The following SH2B3 variants were observed in gnomAD, a reference collection of about 807,000 sequenced individuals.
The protein encoded by SH2B3 is SH2B adaptor protein 3, also known as SH2B adapter protein 3.
SH2B3 carries 43 observed loss-of-function variants against 51.9 expected under a neutral mutation model. The observed-to-expected ratio is 0.83, with a 90% CI of 0.65 to 1.07. The LOEUF (loss-of-function observed/expected upper bound fraction) is 1.07, where lower values mean the gene tolerates loss of function less well. Among genes scored for constraint, SH2B3 ranks in the 50% least tolerant of loss-of-function variants. The pLI is 0.00. For missense variants in SH2B3, 952 were observed against 834.3 expected (o/e 1.14, Z -1.74); for synonymous variants, 396 against 376.0 (o/e 1.05, Z -0.62).
At chr12:111,440,690 C>T (rs956796839) in intron 2 of SH2B3, among the ~76,000 whole-genome samples, 2 of 152,240 alleles carry the variant, frequency 1.3e-5, no homozygotes, top group African/African-American at 4.8e-5. Context: ...CCACCATCCC[C>T]ACTTCGGAGA....
intron 2 of SH2B3, among the ~76,000 whole-genome samples, chr12:111,440,795 G>A (rs920903111): frequency 2.6e-5 from 4 of 152,224 alleles, no homozygotes; most frequent in African/African-American, 9.6e-5. Flanking sequence ...TCTGGTGCAT[G>A]GGAGCAGGGG....
In SH2B3 at chr12:111,410,708, G is replaced by A. The variant is rs1468194956; in HGVS notation, c.-28+4431G>A. 6.6e-6 allele frequency among the ~76,000 whole-genome samples: 1 copy of A among 152,204 alleles called. No homozygotes were observed. Among genetic ancestry groups the A allele is most frequent in the Non-Finnish European group, 1.5e-5 (1 of 68,028 alleles). On this transcript the variant is annotated intron_variant, in intron 1 of 7. Transcript: ENST00000341259. The surrounding 1 kb of genome is among the most constrained non-coding windows in gnomAD (Gnocchi z 4.9). ...CCAGCCAGCTGCCCCGTGGCCTGGG[G>A]TAGAACCCACCTCTCTGCCTCCCCA...
At position 111,406,228 on chromosome 12, in the gene SH2B3, G is replaced by A. The variant is rs1338979366; in HGVS notation, c.-77G>A. 6.6e-6 allele frequency: 1 copy of A among 151,966 alleles called. No individual in the cohort carries two copies. The highest frequency in any genetic ancestry group is 2.4e-5 in the African/African-American group (1 of 41,404). The allele number at this position is 151,966 out of a possible 1,614,324, so 9.4% of individuals were successfully genotyped here. On this transcript the variant is annotated 5_prime_UTR_variant, in exon 1 of 8. Transcript: ENST00000341259. This position sits in a 1 kb window ranked among gnomAD's most constrained non-coding sequence, Gnocchi z 5.7. Reference sequence around the variant, plus strand: ...GCCCCCTCGGGATTTCGAGGGCCCGGGGGCGCGCGACGCCATGGGCCGGCC... The same window carrying A: ...GCCCCCTCGGGATTTCGAGGGCCCGAGGGCGCGCGACGCCATGGGCCGGCC...
rs1871268907 is a variant in SH2B3, at chr12:111,418,522, C to T, written c.377C>T (p.Pro126Leu). 4 of 1,391,606 alleles carry T rather than the reference C, an allele frequency of 2.9e-6. No individual in the cohort carries two copies. In the African/African-American group the frequency reaches 4.6e-5, roughly 16 times the overall value. 86.2% of individuals were successfully genotyped at this position (1,391,606 alleles called of 1,614,324 possible). Reference sequence around the variant, plus strand: ...GCCCGCAGCTCTGAGGAGCTGGCCCCGCCGCGGCCGCCCGGGCCCTGCTCC... The same window carrying T: ...GCCCGCAGCTCTGAGGAGCTGGCCCTGCCGCGGCCGCCCGGGCCCTGCTCC... ...PKARSSEELA[P>L]PRPPGPCSFQ... is the part of the protein sequence containing the mutation. Residue 126 changes from proline (P) to leucine (L), a missense_variant, in exon 2 of 8, where the codon CCG becomes CTG. Physicochemically the swap from Pro to Leu is moderately conservative, Grantham distance 98. Transcript: ENST00000341259. This position sits in a 1 kb window ranked among gnomAD's most constrained non-coding sequence, Gnocchi z 6.7.
rs189535028 is a variant in SH2B3, at chr12:111,429,917, G to A, written c.732+11040G>A. Among the ~76,000 whole-genome samples the A allele has an allele frequency of 1.6e-4, 25 of 152,262 alleles. No individual in the cohort carries two copies. The highest frequency in any genetic ancestry group is 6.2e-4 in the South Asian group (3 of 4,826). ...AGAGAGAAAGCACCCACCCTCCACC[G>A]TCAGAACGAGCCTGTATCCCGGCAA... On this transcript the variant is annotated intron_variant, in intron 2 of 7. Coordinates refer to ENST00000341259, the MANE Select transcript of SH2B3 (RefSeq NM_005475.3). The surrounding 1 kb of genome is among the most constrained non-coding windows in gnomAD (Gnocchi z 4.4).
chr12:111,410,508 G>C lies in SH2B3; in HGVS notation c.-28+4231G>C, dbSNP rs974508402. On this transcript the variant is annotated intron_variant, in intron 1 of 7. Coordinates refer to ENST00000341259, the MANE Select transcript of SH2B3 (RefSeq NM_005475.3). The surrounding 1 kb of genome is among the most constrained non-coding windows in gnomAD (Gnocchi z 4.9). ...TTCTGATGGTGCTGCCTCTCCGCAG[G>C]GAGATGGTTCTTGGCTTTCCCTACC... Among the ~76,000 whole-genome samples the C allele has an allele frequency of 6.6e-6, 1 of 152,124 alleles. No homozygotes were observed. The highest frequency in any genetic ancestry group is 6.5e-5 in the Admixed American group (1 of 15,280).
intron 1 of SH2B3, among the ~76,000 whole-genome samples, chr12:111,416,510 T>C (rs1038960912): frequency 6.6e-6 from 1 of 152,044 alleles, no homozygotes; most frequent in Admixed American, 6.5e-5. Context: ...GTTTTTTGTT[T>C]TGAGACGGGG....
intron 1 of SH2B3, among the ~76,000 whole-genome samples, chr12:111,408,646 C>T (rs1402996325): frequency 1.3e-5 from 2 of 152,138 alleles, no homozygotes; most frequent in East Asian, 3.9e-4. Flanking sequence ...GTGCCCTCCC[C>T]AGCCAAGGTG....
intron 2 of SH2B3, among the ~76,000 whole-genome samples, chr12:111,423,236 G>A (rs1034829454): frequency 6.6e-6 from 1 of 152,158 alleles, no homozygotes; most frequent in Non-Finnish European, 1.5e-5. Context: ...AGAAGCTGTT[G>A]GGAAAACGCA....
chr12:111,418,056 G>T lies in SH2B3; in HGVS notation c.-27-63G>T. On this transcript the variant is annotated intron_variant, in intron 1 of 7. Transcript: ENST00000341259. This position sits in a 1 kb window ranked among gnomAD's most constrained non-coding sequence, Gnocchi z 6.7. ...CTGCTGTGGTGCCCGGTGTGTAATG[G>T]GGCCTACACCTGCTTGCCCACCTGC... is the stretch of plus-strand genomic sequence containing the variant. 1.6e-6 allele frequency: 2 copies of T among 1,253,688 alleles called. No individual in the cohort carries two copies. The highest frequency in any genetic ancestry group is 2.1e-6 in the Non-Finnish European group (2 of 933,056). The allele number at this position is 1,253,688 out of a possible 1,614,324, so 77.7% of individuals were successfully genotyped here.
At position 111,432,656 on chromosome 12, in the gene SH2B3, A is replaced by G. The variant is rs541735687; in HGVS notation, c.732+13779A>G. Reference sequence around the variant, plus strand: ...AAAAAAGGAAACCTTGTACCCATGAACAGTCACTCCCCATACCTCCCTCCC... The same window carrying G: ...AAAAAAGGAAACCTTGTACCCATGAGCAGTCACTCCCCATACCTCCCTCCC... On this transcript the variant is annotated intron_variant, in intron 2 of 7. Coordinates refer to ENST00000341259, the MANE Select transcript of SH2B3 (RefSeq NM_005475.3). Among the ~76,000 whole-genome samples the G allele has an allele frequency of 4.6e-5, 7 of 152,336 alleles. No individual in the cohort carries two copies. The South Asian group carries it at 1.4e-3, about 32-fold the overall frequency.
chr12:111,446,465 C>T (rs998406695), intron 2 of SH2B3, among the ~76,000 whole-genome samples: 1 of 152,212 alleles, frequency 6.6e-6, no homozygotes, highest in Non-Finnish European at 1.5e-5. Flanking sequence ...GGAAGAGAAA[C>T]GGATGTCAGA....
In SH2B3 at chr12:111,450,381, CA is replaced by C. The variant is rs1265631792; in HGVS notation, c.*2083del. On this transcript the variant is annotated 3_prime_UTR_variant, in exon 8 of 8. Coordinates refer to ENST00000341259, the MANE Select transcript of SH2B3 (RefSeq NM_005475.3). Reference sequence around the variant, plus strand: ...AAAATGAATGCTAATTAGTGTGAACCAAAAGAGTAAGTAAGAGTCTGAAGTT... The same window carrying C: ...AAAATGAATGCTAATTAGTGTGAACCAAAGAGTAAGTAAGAGTCTGAAGTT... 1 of 152,180 alleles carries C rather than the reference CA, an allele frequency of 6.6e-6. No homozygotes were observed. The highest frequency in any genetic ancestry group is 1.5e-5 in the Non-Finnish European group (1 of 68,026). 9.4% of individuals were successfully genotyped at this position (152,180 alleles called of 1,614,324 possible). A position where few individuals can be genotyped will look rare whatever the true frequency, so the allele number is the denominator to read the frequency against.
intron 2 of SH2B3, among the ~76,000 whole-genome samples, chr12:111,422,075 G>C (rs989696044): frequency 8.5e-5 from 13 of 152,160 alleles, no homozygotes; most frequent in African/African-American, 2.9e-4. Flanking sequence ...GGGTTTTTTT[G>C]TGTTTTGTTT....
At chr12:111,445,558 G>A (rs1873866230) in intron 2 of SH2B3, among the ~76,000 whole-genome samples, 1 of 152,232 alleles carries the variant, frequency 6.6e-6, no homozygotes, top group Non-Finnish European at 1.5e-5. Context: ...GCTTTCTAGT[G>A]AGAGGCCGCA....
At chr12:111,414,269 C>T (rs567695362) in intron 1 of SH2B3, among the ~76,000 whole-genome samples, 64 of 152,240 alleles carry the variant, frequency 4.2e-4, no homozygotes, top group African/African-American at 1.5e-3. Flanking sequence ...CTACTGTGTG[C>T]GGGTCCCAAG....
In SH2B3 at chr12:111,445,647, C is replaced by T. The variant is rs1873881984; in HGVS notation, c.733-1106C>T. Among the ~76,000 whole-genome samples, 3 of 152,248 alleles carry T rather than the reference C, an allele frequency of 2.0e-5. No individual in the cohort carries two copies. The South Asian group carries it at 6.2e-4, about 31-fold the overall frequency. On this transcript the variant is annotated intron_variant, in intron 2 of 7. Coordinates refer to ENST00000341259, the MANE Select transcript of SH2B3 (RefSeq NM_005475.3). Reference sequence around the variant, plus strand: ...GTTGTGTCCGCCAACCAGAGCAGGCCCGGGAGCTCCCAGGAGACCTGCTGG... The same window carrying T: ...GTTGTGTCCGCCAACCAGAGCAGGCTCGGGAGCTCCCAGGAGACCTGCTGG...
chr12:111,426,152 G>T lies in SH2B3; in HGVS notation c.732+7275G>T, dbSNP rs145918017. ...GGCCTGCTTGCTCCCATTCCTCTTG[G>T]CCTCTGCATGGTGTTCCTTCCTCCC... On this transcript the variant is annotated intron_variant, in intron 2 of 7. Transcript: ENST00000341259. 1.3e-3 allele frequency among the ~76,000 whole-genome samples: 202 copies of T among 152,254 alleles called. No individual in the cohort carries two copies. The Middle Eastern group carries it at 0.014, about 10-fold the overall frequency.
intron 1 of SH2B3, among the ~76,000 whole-genome samples, chr12:111,413,346 G>C (rs1227295763): frequency 1.3e-5 from 2 of 152,258 alleles, no homozygotes; most frequent in African/African-American, 4.8e-5. Context: ...GCAGCAGTGA[G>C]CTATGATTGT....
Sources: gnomAD v4.1 joint callset for allele counts (sites outside exome capture counted in the v4.1 genomes callset) on GRCh38, gnomAD v4.1.1 for gene constraint, Gnocchi (gnomAD v3.1) non-coding constraint, MANE v1.5 for transcripts, NCBI Gene and HGNC (gene_info 2026-07-23, HGNC 2026-07-21) for gene names.